The following INTU variants were observed in gnomAD, a reference collection of about 807,000 sequenced individuals.
INTU encodes inturned planar cell polarity protein.
INTU carries 68 observed loss-of-function variants against 100.5 expected under a neutral mutation model. The observed-to-expected ratio is 0.68, with a 90% CI of 0.56 to 0.83. The LOEUF is 0.83. Ranked by LOEUF, INTU falls within the 40% of genes least tolerant of loss-of-function variation. The pLI, the probability that INTU is intolerant of heterozygous loss-of-function variation, is 0.00. For synonymous variants in INTU, 357 were observed against 395.7 expected (o/e 0.90, Z 1.16); for missense variants, 1,071 against 1,114.7 (o/e 0.96, Z 0.56).
intron 3 of INTU, among the ~76,000 whole-genome samples, chr4:127,658,722 T>G (rs1354566567): frequency 6.6e-6 from 1 of 152,160 alleles, no homozygotes; most frequent in East Asian, 1.9e-4. Flanking sequence ...CAAATTCAAC[T>G]GTGCACACTT....
chr4:127,641,582 G>A (rs1358910598), intron 1 of INTU, among the ~76,000 whole-genome samples: 1 of 152,012 alleles, frequency 6.6e-6, no homozygotes, highest in Non-Finnish European at 1.5e-5. Context: ...GGCTAAGCTG[G>A]GTGACTCTCC....
intron 3 of INTU, among the ~76,000 whole-genome samples, chr4:127,662,845 T>C (rs1021233357): frequency 6.6e-6 from 1 of 152,152 alleles, no homozygotes; most frequent in Non-Finnish European, 1.5e-5. Context: ...GCTGATAGCG[T>C]TTACTTTCCT....
intron 14 of INTU, among the ~76,000 whole-genome samples, chr4:127,711,529 C>T (rs951485066): frequency 6.6e-6 from 1 of 152,170 alleles, no homozygotes; most frequent in Non-Finnish European, 1.5e-5. Flanking sequence ...CCCAACCCCC[C>T]TGGGCCACAT....
intron 8 of INTU, 79 bp downstream of exon 8, chr4:127,687,946 T>A (rs780706286): frequency 1.0e-6 from 1 of 963,036 alleles, no homozygotes; most frequent in African/African-American, 1.7e-5. Flanking sequence ...TTTCGTAGAC[T>A]TTTTGTTATT....
chr4:127,681,957 ACTT>A (rs1204514882), intron 6 of INTU, among the ~76,000 whole-genome samples: 1 of 152,044 alleles, frequency 6.6e-6, no homozygotes, highest in Non-Finnish European at 1.5e-5. Flanking sequence ...ATGAACAGAT[ACTT>A]CTCAAAAGAA....
chr4:127,689,712 G>C (rs1198658034), intron 8 of INTU, among the ~76,000 whole-genome samples: 1 of 151,116 alleles, frequency 6.6e-6, no homozygotes, highest in African/African-American at 2.4e-5. Flanking sequence ...GAAGAGAAAA[G>C]GAAAAAGGAA....
intron 11 of INTU, 38 bp downstream of exon 11, chr4:127,705,850 C>A: frequency 6.5e-7 from 1 of 1,538,256 alleles, no homozygotes; most frequent in Non-Finnish European, 8.9e-7. Context: ...GATTTTTCTT[C>A]TTTTCTTTTA....
In INTU at chr4:127,708,625, A is replaced by G. The variant is rs1283139470; in HGVS notation, c.2326A>G (p.Lys776Glu). The G allele has an allele frequency of 1.3e-6, 2 of 1,599,352 alleles. No homozygotes were observed. The highest frequency in any genetic ancestry group is 2.7e-5 in the African/African-American group (2 of 74,472). Residue 776 changes from lysine to glutamate, a missense_variant, in exon 13 of 16, where the codon AAG (lysine) becomes GAG (glutamate). By Grantham distance (56) the Lys-to-Glu change is moderately conservative. Coordinates refer to ENST00000335251, the MANE Select transcript of INTU (RefSeq NM_015693.4). ...TCCATTTCATTTGGGAAACTTGAAA[A>G]AGGACCTTCCAGAAAAAGAATTAGA... Reference protein sequence around the residue: ...PNPFHLGNLKKDLPEKELEIY... With the variant: ...PNPFHLGNLKEDLPEKELEIY...
intron 8 of INTU, among the ~76,000 whole-genome samples, chr4:127,695,375 A>T (rs534973734): frequency 5.3e-5 from 8 of 152,170 alleles, no homozygotes; most frequent in African/African-American, 1.9e-4. Context: ...GGAGGCTGAG[A>T]TGGGTGGATC....
At chr4:127,658,113 A>G (rs565206094) in intron 3 of INTU, among the ~76,000 whole-genome samples, 1 of 152,238 alleles carries the variant, frequency 6.6e-6, no homozygotes, top group Non-Finnish European at 1.5e-5. Flanking sequence ...AATAAGGCAC[A>G]TGATGAAATT....
At position 127,718,874 on chromosome 4, in the gene INTU, A is replaced by T. The variant is rs1731306437; in HGVS notation, c.*2438A>T. The T allele has an allele frequency of 2.0e-5, 3 of 152,276 alleles. No individual in the cohort carries two copies. The highest frequency in any genetic ancestry group is 2.0e-4 in the Admixed American group (3 of 15,284). 9.4% of individuals were successfully genotyped at this position (152,276 alleles called of 1,614,324 possible). ...TGCTGAAGTTGCTTATCAGCTTAAG[A>T]AGCTTTTGGGCTGAGACAATGGGGT... On this transcript the variant is annotated 3_prime_UTR_variant, in exon 16 of 16. Coordinates refer to ENST00000335251, the MANE Select transcript of INTU (RefSeq NM_015693.4).
chr4:127,714,392 T>C (rs1731194886), intron 15 of INTU, among the ~76,000 whole-genome samples: 1 of 151,994 alleles, frequency 6.6e-6, no homozygotes, highest in South Asian at 2.1e-4. Context: ...TCTTTCCCTC[T>C]TACCATCCTC....
chr4:127,661,990 A>G lies in INTU; in HGVS notation c.769-1391A>G, dbSNP rs544885069. On this transcript the variant is annotated intron_variant, in intron 3 of 15. Coordinates refer to ENST00000335251, the MANE Select transcript of INTU (RefSeq NM_015693.4). ...AATAATGTCCATTCTGGTTGGAGTA[A>G]GGTGGTAGGTACCTCATTTTATTTT... is the stretch of plus-strand genomic sequence containing the variant. Among the ~76,000 whole-genome samples the G allele has an allele frequency of 7.2e-5, 11 of 152,240 alleles. 1 individual carries two copies. In the South Asian group the frequency reaches 2.3e-3, roughly 32 times the overall value.
chr4:127,637,491 T>C (rs1727124895), intron 1 of INTU, among the ~76,000 whole-genome samples: 1 of 152,206 alleles, frequency 6.6e-6, no homozygotes, highest in African/African-American at 2.4e-5. Context: ...ATGTACTTTG[T>C]TGTCTCTGTT....
At chr4:127,650,428 G>A (rs1280732946) in intron 2 of INTU, among the ~76,000 whole-genome samples, 1 of 139,076 alleles carries the variant, frequency 7.2e-6, no homozygotes, top group Non-Finnish European at 1.5e-5. Context: ...CTGTGTCCAT[G>A]TGATCTCATT....
At chr4:127,660,660 C>A (rs980548899) in intron 3 of INTU, among the ~76,000 whole-genome samples, 3 of 152,118 alleles carry the variant, frequency 2.0e-5, no homozygotes, top group African/African-American at 7.2e-5. Flanking sequence ...AAAGAAAAGA[C>A]AAAGCAACAA....
intron 6 of INTU, among the ~76,000 whole-genome samples, chr4:127,675,078 T>A (rs1488162584): frequency 6.6e-6 from 1 of 152,200 alleles, no homozygotes; most frequent in Admixed American, 6.5e-5. Context: ...TAACTACTAT[T>A]ATAATAGTGT....
chr4:127,711,344 A>C (rs1731086089), intron 14 of INTU, among the ~76,000 whole-genome samples: 1 of 152,200 alleles, frequency 6.6e-6, no homozygotes. Context: ...TCTACAGCAA[A>C]GCAAAATACA....
intron 8 of INTU, among the ~76,000 whole-genome samples, chr4:127,689,176 G>T (rs752733552): frequency 2.6e-5 from 4 of 151,128 alleles, no homozygotes; most frequent in African/African-American, 9.7e-5. Flanking sequence ...TAGAGACCAG[G>T]TTTCTCCATG....
Sources: gnomAD v4.1 joint callset for allele counts (sites outside exome capture counted in the v4.1 genomes callset) on GRCh38, gnomAD v4.1.1 for gene constraint, MANE v1.5 for transcripts, NCBI Gene and HGNC (gene_info 2026-07-23, HGNC 2026-07-21) for gene names.